Variants in THBS2 observed in about 807,000 individuals in gnomAD.
THBS2 encodes thrombospondin-2.
In THBS2, 47 loss-of-function variants were observed where a neutral mutation model predicts 135.2. The ratio of observed to expected loss-of-function variants is 0.35; its 90% CI spans 0.28 to 0.44. The LOEUF (loss-of-function observed/expected upper bound fraction) is 0.44, where lower values mean the gene tolerates loss of function less well. THBS2 is among the 20% of genes least tolerant of loss of function. The pLI is 1.00. For missense variants in THBS2, 1,288 were observed against 1,603.1 expected (o/e 0.80, Z 3.36); for synonymous variants, 639 against 633.8 (o/e 1.01, Z -0.12).
At chr6:169,244,820 G>C (rs1044042584) in intron 4 of THBS2, among the ~76,000 whole-genome samples, 2 of 152,266 alleles carry the variant, frequency 1.3e-5, no homozygotes, top group Non-Finnish European at 1.5e-5. Flanking sequence ...AGTGAGGGTC[G>C]TGGTGGGGGT....
chr6:169,234,467 G>T (rs1253699078), intron 10 of THBS2: 3 of 368,204 alleles, frequency 8.1e-6, no homozygotes, highest in Admixed American at 4.9e-5. Context: ...ACATTCCACA[G>T]GCCACACCAC....
chr6:169,223,583 TC>T, intron 17 of THBS2, 108 bp from the exon 18 acceptor site: 1 of 839,200 alleles, frequency 1.2e-6, no homozygotes, highest in Non-Finnish European at 1.9e-6. Flanking sequence ...AGTGCATCTT[TC>T]CCAGAACATC....
chr6:169,224,348 G>C (rs2114979608), intron 17 of THBS2, among the ~76,000 whole-genome samples: 1 of 152,322 alleles, frequency 6.6e-6, no homozygotes, highest in Non-Finnish European at 1.5e-5. Flanking sequence ...GCCCCTGCAT[G>C]CCCGAACACG....
chr6:169,240,673 T>C lies in THBS2; in HGVS notation c.892-81A>G, dbSNP rs929461955. The stretch of plus-strand genomic sequence containing the variant: ...TCATGCTTGTGGATGAAAAACAAAG[T>C]TCCTCCTTCATTAAAAAGCTCTAAA... On this transcript the variant is annotated intron_variant, in intron 5 of 21. Coordinates refer to ENST00000617924, the MANE Select transcript of THBS2 (RefSeq NM_003247.5). 6.6e-6 allele frequency: 10 copies of C among 1,512,996 alleles called. No homozygotes were observed. In the Admixed American group the frequency reaches 1.8e-4, roughly 27 times the overall value. The allele number at this position is 1,512,996 out of a possible 1,614,324, so 93.7% of individuals were successfully genotyped here.
At position 169,228,194 on chromosome 6, in the gene THBS2, G is replaced by A. The variant is rs770261346; in HGVS notation, c.2347C>T (p.His783Tyr). Residue 783 changes from histidine to tyrosine, a missense_variant, in exon 15 of 22, where the codon CAC (histidine) becomes TAC (tyrosine). Around this residue, in one of 2 missense-constraint regions of THBS2, gnomAD observed 874 missense variants for 1,156.1 expected, o/e 0.76. Transcript: ENST00000617924. ...GDRCDNCPYVHNPAQIDTDNN... is the reference protein window; with the variant it reads ...GDRCDNCPYVYNPAQIDTDNN... ...TCTGTGTCGATCTGGGCAGGGTTGT[G>A]CACGTAAGGGCAGTTGTCACAGCGG... The A allele has an allele frequency of 6.2e-7, 1 of 1,614,118 alleles. No individual in the cohort carries two copies. Among genetic ancestry groups the A allele is most frequent in the South Asian group, 1.1e-5 (1 of 91,080 alleles).
In THBS2 at chr6:169,241,854, C is replaced by A; in HGVS notation, c.799G>T (p.Glu267Ter). Residue 267 changes from glutamate to a stop codon, truncating the protein, a stop_gained, in exon 5 of 22, where the codon GAA becomes TAA. Coordinates refer to ENST00000617924, the MANE Select transcript of THBS2 (RefSeq NM_003247.5). LOFTEE classifies it high-confidence loss of function. This position sits in a 1 kb window ranked among gnomAD's most constrained non-coding sequence, Gnocchi z 5.5. The part of the protein sequence containing the change: ...PSSERRPEVC[E>*]RSCEELGNMV... The stretch of plus-strand genomic sequence containing the variant: ...TTTCCCAGCTCCTCGCACGAGCGTT[C>A]GCACACCTCGGGCCTCCTCTCCGAG... The A allele has an allele frequency of 6.2e-7, 1 of 1,612,582 alleles. No individual in the cohort carries two copies. Among genetic ancestry groups the A allele is most frequent in the Non-Finnish European group, 8.5e-7 (1 of 1,179,966 alleles).
chr6:169,218,715 GTGGA>G (rs146089519), intron 21 of THBS2, among the ~76,000 whole-genome samples: 2,620 of 137,272 alleles, frequency 0.019, 107 homozygotes, highest in African/African-American at 0.069. Context: ...GATGAGACAG[GTGGA>G]TGGATGGATG....
intron 19 of THBS2, 110 bp from the exon 20 acceptor site, chr6:169,221,637 G>A (rs1779434121): frequency 1.2e-6 from 1 of 860,812 alleles, no homozygotes; most frequent in Non-Finnish European, 1.9e-6. Flanking sequence ...TCATGCTTAA[G>A]GCTCATGGTG....
At chr6:169,218,968 G>C (rs916175315) in intron 21 of THBS2, among the ~76,000 whole-genome samples, 1 of 146,240 alleles carries the variant, frequency 6.8e-6, no homozygotes, top group African/African-American at 2.5e-5. Context: ...GGATGGATGA[G>C]TAGGTGGGTG....
rs561490719 is a variant in THBS2 at position 169,237,802 on chromosome 6, G to C, written c.1130-7C>G. 5.4e-5 allele frequency: 86 copies of C among 1,607,060 alleles called. No individual in the cohort carries two copies. The highest frequency in any genetic ancestry group is 7.1e-5 in the Non-Finnish European group (84 of 1,178,586). ...CCCTCCTCACCGTCCACCGCTGCCA[G>C]AGGAAGCAAACACGGTGGCATCAGG... On this transcript the variant is annotated splice_polypyrimidine_tract_variant and splice_region_variant and intron_variant, in intron 7 of 21. Coordinates refer to ENST00000617924, the MANE Select transcript of THBS2 (RefSeq NM_003247.5).
chr6:169,219,781 T>G (rs774829137), intron 21 of THBS2: 14 of 521,042 alleles, frequency 2.7e-5, no homozygotes, highest in Admixed American at 2.5e-4. Flanking sequence ...GTCTATAATA[T>G]TTTGATTCAA....
rs561690074 is a variant in THBS2, at chr6:169,217,942, T to C, written c.3512-113A>G. 5.9e-4 allele frequency: 609 copies of C among 1,034,872 alleles called. 1 individual carries two copies. The highest frequency in any genetic ancestry group is 7.4e-4 in the Non-Finnish European group (527 of 716,706). 64.1% of individuals were successfully genotyped at this position (1,034,872 alleles called of 1,614,324 possible). A position where few individuals can be genotyped will look rare whatever the true frequency, so the allele number is the denominator to read the frequency against. The stretch of plus-strand genomic sequence containing the variant: ...ATAATTACTTTAATTAAAGATGAGA[T>C]CTATCATATGGATGGATGGATGGAT... On this transcript the variant is annotated intron_variant, in intron 21 of 21. Transcript: ENST00000617924.
Position 169,250,758 on chromosome 6 carries a change from A to G in THBS2, c.27T>C (p.Ala9=), listed in dbSNP as rs758937455. The G allele has an allele frequency of 6.2e-7, 1 of 1,613,654 alleles. No individual in the cohort carries two copies. The highest frequency in any genetic ancestry group is 8.5e-7 in the Non-Finnish European group (1 of 1,179,926). ...CTTGCGTGCTGGGCCACACCCACAG[A>G]GCCAGCAGGACCAGCCTCCAGACCA... MVWRLVLL[A]LWVWPSTQAG... Residue 9 remains alanine, a synonymous_variant, in exon 2 of 22, where the codon GCT becomes GCC. Coordinates refer to ENST00000617924, the MANE Select transcript of THBS2 (RefSeq NM_003247.5).
In THBS2 at chr6:169,217,512, G is replaced by A. The variant is rs1041365981; in HGVS notation, c.*310C>T. 13 of 386,552 alleles carry A rather than the reference G, an allele frequency of 3.4e-5. No homozygotes were observed. Among genetic ancestry groups the A allele is most frequent in the Admixed American group, 1.2e-4 (3 of 24,100 alleles). 23.9% of individuals were successfully genotyped at this position (386,552 alleles called of 1,614,324 possible). On this transcript the variant is annotated 3_prime_UTR_variant, in exon 22 of 22. Transcript: ENST00000617924. ...AAGTAATTACATTTTATATGTAAACGTCATTCTTTTTAAACAAACAAGAAA... is the reference window on the plus strand; with the variant it reads ...AAGTAATTACATTTTATATGTAAACATCATTCTTTTTAAACAAACAAGAAA...
intron 10 of THBS2, 36 bp from the exon 11 acceptor site, chr6:169,233,053 G>A: frequency 6.7e-7 from 1 of 1,493,692 alleles, no homozygotes; most frequent in South Asian, 1.3e-5. Context: ...TTCACCACGC[G>A]CCCTGCGCAG....
At chr6:169,219,360 GTGAATGGATGAGA>G (rs1211012764) in intron 21 of THBS2, among the ~76,000 whole-genome samples, 2 of 104,928 alleles carry the variant, frequency 1.9e-5, no homozygotes, top group African/African-American at 8.1e-5. Flanking sequence ...GGATGGTTGG[GTGAATGGATGAGA>G]TGGGTGGATG....
intron 2 of THBS2, among the ~76,000 whole-genome samples, chr6:169,249,538 T>A (rs1000744928): frequency 7.9e-5 from 12 of 152,258 alleles, no homozygotes; most frequent in African/African-American, 2.9e-4. Flanking sequence ...TGTTGCTTTC[T>A]TGTTGAGATC....
At chr6:169,218,815 T>G (rs1779301243) in intron 21 of THBS2, among the ~76,000 whole-genome samples, 2 of 77,600 alleles carry the variant, frequency 2.6e-5, no homozygotes, top group South Asian at 7.7e-4. Flanking sequence ...GATGAGTGCA[T>G]GGGTGGGTGG....
intron 21 of THBS2, chr6:169,219,690 C>T: frequency 8.5e-6 from 4 of 469,080 alleles, no homozygotes; most frequent in Non-Finnish European, 1.7e-5. Context: ...CATCCTGAGC[C>T]TTATTTACTG....
Sources: allele counts gnomAD v4.1 joint callset (sites outside exome capture counted in the v4.1 genomes callset), GRCh38; gene constraint gnomAD v4.1.1; regional missense constraint gnomAD v4.1.1; non-coding constraint Gnocchi (gnomAD v3.1); transcripts MANE v1.5; gene names NCBI Gene and HGNC (gene_info 2026-07-23, HGNC 2026-07-21).